The following CD2BP2 variants were observed in gnomAD, a reference collection of about 807,000 sequenced individuals.
CD2BP2 encodes CD2 antigen cytoplasmic tail-binding protein 2.
A neutral mutation model predicts 35.9 loss-of-function variants in CD2BP2; 27 were observed. That is an observed-to-expected ratio of 0.75 (90% CI 0.55 to 1.04). CD2BP2 has a LOEUF of 1.04. Among genes scored for constraint, CD2BP2 ranks in the 50% least tolerant of loss-of-function variants. CD2BP2 has a pLI of 0.00. For missense variants in CD2BP2, 497 were observed against 444.3 expected (o/e 1.12, Z -1.07); for synonymous variants, 213 against 173.5 (o/e 1.23, Z -1.79).
Position 30,353,576 on chromosome 16 carries a change from G to C in CD2BP2, c.600C>G (p.Asp200Glu), listed in dbSNP as rs1014029459. Residue 200 changes from aspartate (D) to glutamate (E), a missense_variant, in exon 5 of 7, where the codon GAC (aspartate) becomes GAG (glutamate). Physicochemically the swap from Asp to Glu is conservative, Grantham distance 45. Transcript: ENST00000305596. ...PGQPSSPQRL[D>E]RLSGLADQMV... Reference sequence around the variant, plus strand: ...TCTGGTCGGCCAACCCGGAGAGCCGGTCCAGGCGCTGAGGGGAACTGGGTT... The same window carrying C: ...TCTGGTCGGCCAACCCGGAGAGCCGCTCCAGGCGCTGAGGGGAACTGGGTT... 1 of 1,614,014 alleles carries C rather than the reference G, an allele frequency of 6.2e-7. No homozygotes were observed. The highest frequency in any genetic ancestry group is 8.5e-7 in the Non-Finnish European group (1 of 1,179,980).
intron 2 of CD2BP2, 137 bp from the exon 3 acceptor site, chr16:30,354,459 A>AATT (rs1484747073): frequency 2.2e-6 from 3 of 1,355,722 alleles, no homozygotes; most frequent in Non-Finnish European, 3.1e-6. Context: ...AGCCACACTA[A>AATT]AGACGCTCCC....
chr16:30,352,748 A>G lies in CD2BP2; in HGVS notation c.*237T>C. ...ACAGGATACCTGACAGGCACCTCCA[A>G]GAAGGATCTTCATGGGAGTACTCAG... is the stretch of plus-strand genomic sequence containing the variant. On this transcript the variant is annotated 3_prime_UTR_variant, in exon 7 of 7. Transcript: ENST00000305596. The G allele has an allele frequency of 1.8e-6, 1 of 556,734 alleles. No homozygotes were observed. The highest frequency in any genetic ancestry group is 3.2e-6 in the Non-Finnish European group (1 of 311,292). 34.5% of individuals were successfully genotyped at this position (556,734 alleles called of 1,614,324 possible).
chr16:30,353,145 C>A (rs1412133709), intron 6 of CD2BP2, 36 bp downstream of exon 6: 2 of 1,607,760 alleles, frequency 1.2e-6, no homozygotes, highest in African/African-American at 2.7e-5. Context: ...GTGGGGGAAG[C>A]AGGGACAAGG....
In CD2BP2 at chr16:30,353,431, C is replaced by A. The variant is rs2049501663; in HGVS notation, c.745G>T (p.Asp249Tyr). The change falls in exon 5 of 7, where the codon GAC (aspartate) becomes TAC (tyrosine). Residue 249 changes from aspartate (D) to tyrosine (Y), a missense_variant. Coordinates refer to ENST00000305596, the MANE Select transcript of CD2BP2 (RefSeq NM_006110.3). ...TCCGCCAACTCCTCAGCGAACATGT[C>A]CAGGGAGGGTGGGGGTGTGGGATTG... ...PHNPTPPPSLDMFAEELAEEE... is the reference protein window; with the variant it reads ...PHNPTPPPSLYMFAEELAEEE... 6.2e-7 allele frequency: 1 copy of A among 1,614,160 alleles called. No individual in the cohort carries two copies. The highest frequency in any genetic ancestry group is 1.1e-5 in the South Asian group (1 of 91,090).
chr16:30,353,386 T>A lies in CD2BP2; in HGVS notation c.790A>T (p.Thr264Ser), dbSNP rs759726485. Residue 264 changes from threonine to serine, a missense_variant, in exon 5 of 7, where the codon ACC becomes TCC. Coordinates refer to ENST00000305596, the MANE Select transcript of CD2BP2 (RefSeq NM_006110.3). The stretch of plus-strand genomic sequence containing the variant: ...AGCTCACCTCCTCTCTGGGTAGGGG[T>A]TGGGGTCTCCAGTTCCTCCTCCGCC... Reference protein sequence around the residue: ...ELAEEELETPTPTQRGEAESR... With the variant: ...ELAEEELETPSPTQRGEAESR... The A allele has an allele frequency of 6.2e-7, 1 of 1,613,986 alleles. No individual in the cohort carries two copies. The highest frequency in any genetic ancestry group is 1.3e-5 in the African/African-American group (1 of 74,990).
In CD2BP2 at chr16:30,353,637, GC is replaced by G. The variant is rs1459679784; in HGVS notation, c.538del (p.Ala180ProfsTer50). 1.2e-6 allele frequency: 2 copies of G among 1,613,104 alleles called. No individual in the cohort carries two copies. The highest frequency in any genetic ancestry group is 1.3e-5 in the African/African-American group (1 of 74,898). On this transcript the variant is annotated frameshift_variant, in exon 5 of 7. Coordinates refer to ENST00000305596, the MANE Select transcript of CD2BP2 (RefSeq NM_006110.3). LOFTEE classifies it high-confidence loss of function. ...CTTTCTCCCTTTGCCTCCTCCTCGG[GC>G]CCCCAGACGCCTCAGTGCCCCAGCC... ...TVAGALRRLG[A>X]RGGGKGRKGP...
rs2049494245 is a variant in CD2BP2, at chr16:30,352,944, T to C, written c.*41A>G. 2 of 1,296,898 alleles carry C rather than the reference T, an allele frequency of 1.5e-6. No individual in the cohort carries two copies. The highest frequency in any genetic ancestry group is 2.3e-5 in the East Asian group (1 of 43,478). The allele number at this position is 1,296,898 out of a possible 1,614,324, so 80.3% of individuals were successfully genotyped here. On this transcript the variant is annotated 3_prime_UTR_variant, in exon 7 of 7. Coordinates refer to ENST00000305596, the MANE Select transcript of CD2BP2 (RefSeq NM_006110.3). ...GACACTTGGTGCCTCCTCCACAAAGTCCAGGAAAGAAGGGCCCACCAAACT... is the reference window on the plus strand; with the variant it reads ...GACACTTGGTGCCTCCTCCACAAAGCCCAGGAAAGAAGGGCCCACCAAACT...
rs556822743 is a variant in CD2BP2, at chr16:30,352,171, G to A, written c.*814C>T. 1 of 152,336 alleles carries A rather than the reference G, an allele frequency of 6.6e-6. No individual in the cohort carries two copies. Among genetic ancestry groups the A allele is most frequent in the Non-Finnish European group, 1.5e-5 (1 of 68,098 alleles). 9.4% of individuals were successfully genotyped at this position (152,336 alleles called of 1,614,324 possible). A position where few individuals can be genotyped will look rare whatever the true frequency, so the allele number is the denominator to read the frequency against. The stretch of plus-strand genomic sequence containing the variant: ...GGGTCCAGAGAATGTAGGCCGCAGG[G>A]CCTCCAAGGCCAGGCAGCAAAGGCT... On this transcript the variant is annotated 3_prime_UTR_variant, in exon 7 of 7. Coordinates refer to ENST00000305596, the MANE Select transcript of CD2BP2 (RefSeq NM_006110.3).
chr16:30,352,382 G>A lies in CD2BP2; in HGVS notation c.*603C>T, dbSNP rs1486402218. 2 of 153,956 alleles carry A rather than the reference G, an allele frequency of 1.3e-5. No homozygotes were observed. Among genetic ancestry groups the A allele is most frequent in the African/African-American group, 4.8e-5 (2 of 41,466 alleles). 9.5% of individuals were successfully genotyped at this position (153,956 alleles called of 1,614,324 possible). A position where few individuals can be genotyped will look rare whatever the true frequency, so the allele number is the denominator to read the frequency against. ...CGACGGCAAGGATAGAGGAAAGCCAGATTAGGGAAGACACTGGCTCTCAGA... is the reference window on the plus strand; with the variant it reads ...CGACGGCAAGGATAGAGGAAAGCCAAATTAGGGAAGACACTGGCTCTCAGA... On this transcript the variant is annotated 3_prime_UTR_variant, in exon 7 of 7. Transcript: ENST00000305596.
At position 30,353,039 on chromosome 16, in the gene CD2BP2, G is replaced by C. The variant is rs138664771; in HGVS notation, c.972C>G (p.Pro324=). 4.2e-5 allele frequency: 67 copies of C among 1,614,094 alleles called. No homozygotes were observed. In the African/African-American group the frequency reaches 7.6e-4, roughly 18 times the overall value. ...TGGAGTTGTAGAACTGACCACCAGG[G>C]GGGTCCAGCTTCCGGCAATAAACAC... ...PDGVYCRKLD[P]PGGQFYNSKR... is the part of the protein sequence containing the mutation. Residue 324 remains proline (P), a synonymous_variant, in exon 7 of 7, where the codon CCC becomes CCG. Coordinates refer to ENST00000305596, the MANE Select transcript of CD2BP2 (RefSeq NM_006110.3).
At position 30,352,781 on chromosome 16, in the gene CD2BP2, G is replaced by A. The variant is rs983569145; in HGVS notation, c.*204C>T. The A allele has an allele frequency of 6.8e-6, 4 of 589,070 alleles. No homozygotes were observed. The highest frequency in any genetic ancestry group is 1.2e-5 in the Non-Finnish European group (4 of 330,554). The allele number at this position is 589,070 out of a possible 1,614,324, so 36.5% of individuals were successfully genotyped here. ...CTTCATGGGAGTACTCAGGGACCAA[G>A]ACAAGTCCAAAGGGACTGTGGAGAA... is the stretch of plus-strand genomic sequence containing the variant. On this transcript the variant is annotated 3_prime_UTR_variant, in exon 7 of 7. Transcript: ENST00000305596.
intron 3 of CD2BP2, 49 bp from the exon 4 acceptor site, chr16:30,354,107 C>A: frequency 6.2e-7 from 1 of 1,612,836 alleles, no homozygotes; most frequent in South Asian, 1.1e-5. Flanking sequence ...AAAAAGAGAC[C>A]GGAGCCTCCC....
chr16:30,352,862 T>C lies in CD2BP2; in HGVS notation c.*123A>G, dbSNP rs2049493526. The C allele has an allele frequency of 1.5e-6, 1 of 687,112 alleles. No homozygotes were observed. Among genetic ancestry groups the C allele is most frequent in the Non-Finnish European group, 2.6e-6 (1 of 383,716 alleles). The allele number at this position is 687,112 out of a possible 1,614,324, so 42.6% of individuals were successfully genotyped here. ...AAGGCCCCAGTACACAACTAAAGGCTTTTATTGGGAAAGGGAAATTGACTG... is the reference window on the plus strand; with the variant it reads ...AAGGCCCCAGTACACAACTAAAGGCCTTTATTGGGAAAGGGAAATTGACTG... On this transcript the variant is annotated 3_prime_UTR_variant, in exon 7 of 7. Transcript: ENST00000305596.
chr16:30,353,610 C>A lies in CD2BP2; in HGVS notation c.566G>T (p.Gly189Val), dbSNP rs746257639. Residue 189 changes from glycine to valine, a missense_variant, in exon 5 of 7, where the codon GGG (glycine) becomes GTG (valine). Physicochemically the swap from Gly to Val is moderately radical, Grantham distance 109. Transcript: ENST00000305596. ...CTGAGGGGAACTGGGTTGCCCAGGC[C>A]CCTTTCTCCCTTTGCCTCCTCCTCG... is the stretch of plus-strand genomic sequence containing the variant. The part of the protein sequence containing the change: ...GARGGGKGRK[G>V]PGQPSSPQRL... 3.9e-5 allele frequency: 63 copies of A among 1,613,916 alleles called. No homozygotes were observed. The highest frequency in any genetic ancestry group is 5.3e-5 in the Non-Finnish European group (62 of 1,179,908).
rs745540129 is a variant in CD2BP2 at position 30,354,266 on chromosome 16, G to A, written c.135C>T (p.His45=). The change falls in exon 3 of 7, where the codon CAC becomes CAT. Residue 45 remains histidine, a synonymous_variant. Transcript: ENST00000305596. ...GGPGSRFKGK[H]SLDSDEEEDD... is the part of the protein sequence containing the mutation. Reference sequence around the variant, plus strand: ...CCTCCTCCTCATCGCTATCCAAAGAGTGTTTGCCTTTAAAGCGGCTCCCAG... The same window carrying A: ...CCTCCTCCTCATCGCTATCCAAAGAATGTTTGCCTTTAAAGCGGCTCCCAG... The A allele has an allele frequency of 1.2e-6, 2 of 1,614,052 alleles. No homozygotes were observed. Among genetic ancestry groups the A allele is most frequent in the South Asian group, 1.1e-5 (1 of 91,086 alleles).
At chr16:30,354,425 GACT>G (rs1172960041) in intron 2 of CD2BP2, 103 bp from the exon 3 acceptor site, 5 of 1,434,786 alleles carry the variant, frequency 3.5e-6, no homozygotes, top group African/African-American at 1.4e-5. Context: ...TCAGGATCTC[GACT>G]ACTTCCCCAA....
In CD2BP2 at chr16:30,354,580, C is replaced by T. The variant is rs776335997; in HGVS notation, c.78+24G>A. On this transcript the variant is annotated intron_variant, in intron 2 of 6. Coordinates refer to ENST00000305596, the MANE Select transcript of CD2BP2 (RefSeq NM_006110.3). The stretch of plus-strand genomic sequence containing the variant: ...AGGCTTCTAGCTCCTCTTTCCCCCA[C>T]ACAAAGCAGTCTGGCCCCCTCACCT... 3 of 1,609,892 alleles carry T rather than the reference C, an allele frequency of 1.9e-6. No homozygotes were observed. The African/African-American group carries it at 4.0e-5, about 22-fold the overall frequency.
rs1294098893 is a variant in CD2BP2, at chr16:30,352,025, C to T, written c.*960G>A. On this transcript the variant is annotated 3_prime_UTR_variant, in exon 7 of 7. Transcript: ENST00000305596. ...GGAGGTGGAGGGTGCCAGGCCCAGGCTATAGAATTACATCTGTCTATTTCC... is the reference window on the plus strand; with the variant it reads ...GGAGGTGGAGGGTGCCAGGCCCAGGTTATAGAATTACATCTGTCTATTTCC... 6.6e-6 allele frequency: 1 copy of T among 152,398 alleles called. No individual in the cohort carries two copies. Among genetic ancestry groups the T allele is most frequent in the East Asian group, 1.9e-4 (1 of 5,204 alleles). The allele number at this position is 152,398 out of a possible 1,614,324, so 9.4% of individuals were successfully genotyped here.
chr16:30,353,218 G>A lies in CD2BP2; in HGVS notation c.878C>T (p.Ala293Val), dbSNP rs2049498637. 1.2e-6 allele frequency: 2 copies of A among 1,614,010 alleles called. No homozygotes were observed. The highest frequency in any genetic ancestry group is 1.7e-6 in the Non-Finnish European group (2 of 1,180,014). Reference protein sequence around the residue: ...WEYKWENTGDAELYGPFTSAQ... With the variant: ...WEYKWENTGDVELYGPFTSAQ... ...GCTGGTGAAGGGCCCATACAGCTCG[G>A]CATCCCCCGTGTTCTCCCACTTATA... The change falls in exon 6 of 7, where the codon GCC (alanine) becomes GTC (valine). Residue 293 changes from alanine (A) to valine (V), a missense_variant. Physicochemically the swap from Ala to Val is moderately conservative, Grantham distance 64 (BLOSUM62 0). Transcript: ENST00000305596.
Sources: allele counts gnomAD v4.1 joint callset, GRCh38; gene constraint gnomAD v4.1.1; transcripts MANE v1.5; gene names NCBI Gene and HGNC (gene_info 2026-07-23, HGNC 2026-07-21).